MALRD1: variants seen among roughly 807,000 people sequenced by gnomAD.
MALRD1 encodes MAM and LDL receptor class A domain containing 1.
In MALRD1, 247 loss-of-function variants were observed where a neutral mutation model predicts 242.1. The observed-to-expected ratio is 1.02, with a 90% CI of 0.92 to 1.13. The LOEUF (loss-of-function observed/expected upper bound fraction) is 1.13, where lower values mean the gene tolerates loss of function less well. Ranked by LOEUF, MALRD1 falls within the 50% of genes most tolerant of loss-of-function variation. The pLI is 0.00. For missense variants in MALRD1, 2,989 were observed against 2,533.1 expected, an observed-to-expected ratio of 1.18 and a Z score of -3.86; for synonymous variants, 995 against 866.6, an observed-to-expected ratio of 1.15 and a Z score of -2.60.
intron 39 of MALRD1, among the ~76,000 whole-genome samples, chr10:19,731,619 C>T (rs767649785): frequency 4.0e-4 from 61 of 152,214 alleles, no homozygotes; most frequent in Non-Finnish European, 7.1e-4. Flanking sequence ...ATACATCCTG[C>T]ACAAAAACTT....
At chr10:19,234,106 A>C (rs946718514) in intron 18 of MALRD1, among the ~76,000 whole-genome samples, 1 of 152,166 alleles carries the variant, frequency 6.6e-6, no homozygotes, top group South Asian at 2.1e-4. Context: ...TGGATTCTAA[A>C]ATTTAAATTA....
chr10:19,434,950 C>A (rs1395643486), intron 28 of MALRD1, among the ~76,000 whole-genome samples: 4 of 151,282 alleles, frequency 2.6e-5, no homozygotes, highest in Non-Finnish European at 5.9e-5. Context: ...ATTGGACATA[C>A]CAGACACAAA....
chr10:19,284,550 T>A (rs1056266821), intron 21 of MALRD1, among the ~76,000 whole-genome samples: 10 of 151,406 alleles, frequency 6.6e-5, no homozygotes, highest in African/African-American at 2.4e-4. Flanking sequence ...TGGTTTCCAG[T>A]TTCATCCATG....
At chr10:19,472,731 T>C (rs1467723611) in intron 29 of MALRD1, among the ~76,000 whole-genome samples, 2 of 151,938 alleles carry the variant, frequency 1.3e-5, no homozygotes, top group Non-Finnish European at 2.9e-5. Context: ...TGTATCTCTG[T>C]GGTAACAGTG....
intron 2 of MALRD1, among the ~76,000 whole-genome samples, chr10:19,083,873 G>A (rs1835574535): frequency 6.6e-6 from 1 of 151,880 alleles, no homozygotes; most frequent in African/African-American, 2.4e-5. Context: ...AAAAAGCTTT[G>A]GCTAATTTCC....
At chr10:19,575,215 T>C (rs190704283) in intron 33 of MALRD1, among the ~76,000 whole-genome samples, 2 of 152,156 alleles carry the variant, frequency 1.3e-5, no homozygotes, top group Non-Finnish European at 2.9e-5. Flanking sequence ...AACCCACATA[T>C]ACAGAGGACC....
At chr10:19,517,924 A>G (rs1833710797) in intron 31 of MALRD1, among the ~76,000 whole-genome samples, 1 of 152,224 alleles carries the variant, frequency 6.6e-6, no homozygotes, top group South Asian at 2.1e-4. Flanking sequence ...CAGACAAATT[A>G]AATTTAGCAG....
At chr10:19,664,395 T>C (rs1841581274) in intron 36 of MALRD1, among the ~76,000 whole-genome samples, 1 of 152,086 alleles carries the variant, frequency 6.6e-6, no homozygotes, top group South Asian at 2.1e-4. Flanking sequence ...GATTTTTGAT[T>C]CAGTAATTCT....
At chr10:19,513,506 G>A (rs1007523336) in intron 31 of MALRD1, among the ~76,000 whole-genome samples, 6 of 150,858 alleles carry the variant, frequency 4.0e-5, no homozygotes, top group African/African-American at 1.5e-4. Flanking sequence ...TTGGGAGGCC[G>A]AGGCGGGCGG....
chr10:19,593,970 A>G (rs777278468), intron 33 of MALRD1, among the ~76,000 whole-genome samples: 1 of 152,208 alleles, frequency 6.6e-6, no homozygotes, highest in Non-Finnish European at 1.5e-5. Flanking sequence ...ACCTGTAACC[A>G]AGATTCAAGG....
chr10:19,428,690 G>GAA (rs147908151), intron 28 of MALRD1, among the ~76,000 whole-genome samples: 16 of 149,706 alleles, frequency 1.1e-4, no homozygotes, highest in South Asian at 4.2e-4. Flanking sequence ...TCAAAAATTT[G>GAA]AAAAAAAAAT....
chr10:19,603,646 G>C (rs145117049), intron 34 of MALRD1, among the ~76,000 whole-genome samples: 6,126 of 152,160 alleles, frequency 0.04, 378 homozygotes, highest in African/African-American at 0.13. Context: ...CGGCTTTGTT[G>C]TTTTGGCTTA....
chr10:19,223,353 A>G (rs1464374691), intron 18 of MALRD1, among the ~76,000 whole-genome samples: 1 of 152,096 alleles, frequency 6.6e-6, no homozygotes, highest in African/African-American at 2.4e-5. Context: ...CCTTTTTCCA[A>G]ACTGAAATCT....
rs192815713 is a variant in MALRD1 at position 19,645,773 on chromosome 10, A to G, written c.6137+29850A>G. ...GGGATAGCATTTGGAGATATACCTA[A>G]TGCTAAATGACGAGTTAATGGGTGC... On this transcript the variant is annotated intron_variant, in intron 36 of 39. Transcript: ENST00000454679. 7.4e-3 allele frequency among the ~76,000 whole-genome samples: 1,131 copies of G among 152,292 alleles called. 4 individuals carry two copies. Among genetic ancestry groups the G allele is most frequent in the Non-Finnish European group, 0.012 (827 of 68,020 alleles).
At position 19,491,659 on chromosome 10, in the gene MALRD1, T is replaced by C; in HGVS notation, c.5158+14T>C. ...AAGCTCACTGTGGTAAGTTTATCTA[T>C]CTGCTGTATGGCAGCCAGTTCAGCA... On this transcript the variant is annotated intron_variant, in intron 30 of 39. Coordinates refer to ENST00000454679, the MANE Select transcript of MALRD1 (RefSeq NM_001142308.3). The C allele has an allele frequency of 6.5e-7, 1 of 1,547,160 alleles. No individual in the cohort carries two copies. Among genetic ancestry groups the C allele is most frequent in the Non-Finnish European group, 8.7e-7 (1 of 1,145,672 alleles).
At chr10:19,699,174 G>A (rs1349233559) in intron 38 of MALRD1, among the ~76,000 whole-genome samples, 2 of 151,332 alleles carry the variant, frequency 1.3e-5, no homozygotes, top group Non-Finnish European at 2.9e-5. Flanking sequence ...AAACCTGCAC[G>A]TTCTGCAGAT....
intron 33 of MALRD1, among the ~76,000 whole-genome samples, chr10:19,590,744 T>C (rs999687693): frequency 1.3e-5 from 2 of 152,066 alleles, no homozygotes; most frequent in African/African-American, 4.8e-5. Context: ...TACTTTATAT[T>C]CTACAGCAGT....
intron 14 of MALRD1, among the ~76,000 whole-genome samples, chr10:19,195,501 T>C (rs1836196056): frequency 6.6e-6 from 1 of 152,140 alleles, no homozygotes. Flanking sequence ...AACTCCAGAC[T>C]CAGATCTAAC....
chr10:19,219,828 T>G (rs1376212228), intron 18 of MALRD1, among the ~76,000 whole-genome samples: 1 of 151,914 alleles, frequency 6.6e-6, no homozygotes, highest in East Asian at 1.9e-4. Context: ...AGATCTGGGA[T>G]CCTACATGCT....
Sources: gnomAD v4.1 joint callset for allele counts (sites outside exome capture counted in the v4.1 genomes callset) on GRCh38, gnomAD v4.1.1 for gene constraint, MANE v1.5 for transcripts, NCBI Gene and HGNC (gene_info 2026-07-23, HGNC 2026-07-21) for gene names.